The following SNX31 variants were observed in gnomAD, a reference collection of about 807,000 sequenced individuals.
The protein encoded by SNX31 is sorting nexin-31.
Under a neutral mutation model 65.4 loss-of-function variants are expected in SNX31, and 58 were observed. The observed-to-expected ratio is 0.89, with a 90% CI of 0.72 to 1.10. The LOEUF is 1.10. SNX31 is among the 50% of genes least tolerant of loss of function. The pLI is 0.00. For missense variants in SNX31, 523 were observed against 529.7 expected, an observed-to-expected ratio of 0.99 and a Z score of 0.12; for synonymous variants, 181 against 190.1, an observed-to-expected ratio of 0.95 and a Z score of 0.39.
At chr8:100,633,505 G>A (rs1341699001) in intron 3 of SNX31, among the ~76,000 whole-genome samples, 1 of 152,114 alleles carries the variant, frequency 6.6e-6, no homozygotes, top group East Asian at 1.9e-4. Flanking sequence ...CCGGGTTCAA[G>A]TGATTCTCCT....
chr8:100,589,099 G>A (rs1405240882), intron 10 of SNX31, 120 bp from the exon 11 acceptor site: 20 of 629,392 alleles, frequency 3.2e-5, no homozygotes, highest in Admixed American at 5.4e-5. Context: ...TCAGGAGTTC[G>A]AGACCATCCT....
At chr8:100,642,103 A>T (rs1819300964) in intron 2 of SNX31, among the ~76,000 whole-genome samples, 2 of 142,580 alleles carry the variant, frequency 1.4e-5, no homozygotes, top group South Asian at 4.5e-4. Context: ...ACAAAATATT[A>T]TAAAGACAAT....
chr8:100,622,960 G>T lies in SNX31; in HGVS notation c.322-5230C>A, dbSNP rs917463897. 2.0e-5 allele frequency among the ~76,000 whole-genome samples: 3 copies of T among 152,322 alleles called. No individual in the cohort carries two copies. The highest frequency in any genetic ancestry group is 7.2e-5 in the African/African-American group (3 of 41,574). On this transcript the variant is annotated intron_variant, in intron 4 of 13. Transcript: ENST00000311812. The surrounding 1 kb of genome is among the most constrained non-coding windows in gnomAD (Gnocchi z 5.0). ...TTGGCCAGGATGGACAAATCAGTTG[G>T]CAGCTGCACTCACCTTCCTTCCACC...
chr8:100,585,247 T>C (rs1586854878), intron 11 of SNX31, among the ~76,000 whole-genome samples: 1 of 152,202 alleles, frequency 6.6e-6, no homozygotes, highest in South Asian at 2.1e-4. Flanking sequence ...ATCCTTTTTC[T>C]CTCTTGTCCT....
Position 100,577,047 on chromosome 8 carries a change from CT to C in SNX31, c.1198del (p.Ser400ValfsTer26). 6.2e-7 allele frequency: 1 copy of C among 1,613,630 alleles called. No homozygotes were observed. The highest frequency in any genetic ancestry group is 2.2e-5 in the East Asian group (1 of 44,850). The part of the protein sequence containing the change: ...MQIEVPEQSK[S>X]KKYHIQQSQQ... ...GCTTTGTTGAATGTGGTATTTTTTA[CT>C]TTTGCTTTGTTCCGGAACTTCAATC... On this transcript the variant is annotated frameshift_variant, in exon 13 of 14. Coordinates refer to ENST00000311812, the MANE Select transcript of SNX31 (RefSeq NM_152628.4). LOFTEE classifies it high-confidence loss of function.
rs976782048 is a variant in SNX31, at chr8:100,629,064, G to A, written c.321+1263C>T. On this transcript the variant is annotated intron_variant, in intron 4 of 13. Coordinates refer to ENST00000311812, the MANE Select transcript of SNX31 (RefSeq NM_152628.4). The surrounding 1 kb of genome is among the most constrained non-coding windows in gnomAD (Gnocchi z 5.1). The stretch of plus-strand genomic sequence containing the variant: ...AGGCTCTACCATCTAGGTTTGTGGT[G>A]TTCACACAATGACAAAATCGCCTAA... Among the ~76,000 whole-genome samples the A allele has an allele frequency of 3.9e-5, 6 of 152,094 alleles. No homozygotes were observed. The highest frequency in any genetic ancestry group is 7.4e-5 in the Non-Finnish European group (5 of 68,020).
Position 100,588,708 on chromosome 8 carries a change from A to G in SNX31, c.1092+158T>C, listed in dbSNP as rs1241301505. ...GGTGACTAGTAAAATATAACAAAAC[A>G]TAAAACAAAATAAAAGGTATTACGG... On this transcript the variant is annotated intron_variant, in intron 11 of 13. Coordinates refer to ENST00000311812, the MANE Select transcript of SNX31 (RefSeq NM_152628.4). This position sits in a 1 kb window ranked among gnomAD's most constrained non-coding sequence, Gnocchi z 4.8. Among the ~76,000 whole-genome samples, 1 of 152,228 alleles carries G rather than the reference A, an allele frequency of 6.6e-6. No individual in the cohort carries two copies. Among genetic ancestry groups the G allele is most frequent in the Non-Finnish European group, 1.5e-5 (1 of 68,046 alleles).
chr8:100,613,460 C>A lies in SNX31; in HGVS notation c.433-375G>T, dbSNP rs908188847. On this transcript the variant is annotated intron_variant, in intron 5 of 13. Transcript: ENST00000311812. This position sits in a 1 kb window ranked among gnomAD's most constrained non-coding sequence, Gnocchi z 5.2. ...CCTTCTGTGATGTCTGTCCCTGGAA[C>A]CTGCACACTAGTTTACCTTCCTGTG... is the stretch of plus-strand genomic sequence containing the variant. 9.2e-5 allele frequency among the ~76,000 whole-genome samples: 14 copies of A among 152,244 alleles called. No individual in the cohort carries two copies. Among genetic ancestry groups the A allele is most frequent in the Middle Eastern group, 3.4e-3 (1 of 294 alleles).
rs1435556899 is a variant in SNX31, at chr8:100,625,490, T to G, written c.321+4837A>C. On this transcript the variant is annotated intron_variant, in intron 4 of 13. Coordinates refer to ENST00000311812, the MANE Select transcript of SNX31 (RefSeq NM_152628.4). This position sits in a 1 kb window ranked among gnomAD's most constrained non-coding sequence, Gnocchi z 4.2. The stretch of plus-strand genomic sequence containing the variant: ...TTAAAAGATTTCTCCAGTTGTTAAA[T>G]TCAACTCAATTCAACTCAAAAAGAG... 6.6e-6 allele frequency among the ~76,000 whole-genome samples: 1 copy of G among 152,164 alleles called. No homozygotes were observed. The highest frequency in any genetic ancestry group is 2.4e-5 in the African/African-American group (1 of 41,452).
intron 4 of SNX31, among the ~76,000 whole-genome samples, chr8:100,623,751 T>A (rs1817857385): frequency 6.6e-6 from 1 of 152,126 alleles, no homozygotes; most frequent in African/African-American, 2.4e-5. Flanking sequence ...CACACTCCCA[T>A]CTTCCACTTC....
In SNX31 at chr8:100,596,813, G is replaced by C. The variant is rs766475474; in HGVS notation, c.804C>G (p.His268Gln). The C allele has an allele frequency of 6.2e-7, 1 of 1,613,552 alleles. No homozygotes were observed. Among genetic ancestry groups the C allele is most frequent in the Non-Finnish European group, 8.5e-7 (1 of 1,180,022 alleles). The change falls in exon 10 of 14, where the codon CAC (histidine) becomes CAG (glutamine). Residue 268 changes from histidine to glutamine, a missense_variant. His to Gln is a conservative substitution (Grantham distance 24). Transcript: ENST00000311812. ...AAGGATCCAGCTGCAGGTATCCATA[G>C]TGCCGTACCTCCCGGGCCAGCTCCA... ...KFLELAREVR[H>Q]YGYLQLDPCT... is the part of the protein sequence containing the mutation.
At position 100,612,400 on chromosome 8, in the gene SNX31, C is replaced by T. The variant is rs1484140024; in HGVS notation, c.524-313G>A. ...CCTAGCAGCCAACCCTCTACACAAG[C>T]CCCTTAACTTCCAACTCAAAACCAC... On this transcript the variant is annotated intron_variant, in intron 6 of 13. Coordinates refer to ENST00000311812, the MANE Select transcript of SNX31 (RefSeq NM_152628.4). This position sits in a 1 kb window ranked among gnomAD's most constrained non-coding sequence, Gnocchi z 4.3. Among the ~76,000 whole-genome samples the T allele has an allele frequency of 1.3e-5, 2 of 152,152 alleles. No homozygotes were observed. Among genetic ancestry groups the T allele is most frequent in the African/African-American group, 4.8e-5 (2 of 41,486 alleles).
intron 10 of SNX31, among the ~76,000 whole-genome samples, chr8:100,590,383 A>G (rs1465712759): frequency 2.0e-5 from 3 of 152,000 alleles, no homozygotes; most frequent in African/African-American, 7.2e-5. Context: ...TCTTGAGCTC[A>G]GGAGTTCAAA....
intron 12 of SNX31, among the ~76,000 whole-genome samples, chr8:100,577,996 G>A (rs1007525553): frequency 5.3e-5 from 8 of 152,184 alleles, no homozygotes; most frequent in African/African-American, 1.9e-4. Context: ...TATAGCTAAT[G>A]AGCTTTTTAA....
At chr8:100,583,085 C>T (rs1163975573) in intron 12 of SNX31, among the ~76,000 whole-genome samples, 1 of 151,144 alleles carries the variant, frequency 6.6e-6, no homozygotes, top group Non-Finnish European at 1.5e-5. Flanking sequence ...TTATGAATGT[C>T]AACCAGGTAC....
At chr8:100,595,046 T>G (rs1375114445) in intron 10 of SNX31, among the ~76,000 whole-genome samples, 1 of 152,210 alleles carries the variant, frequency 6.6e-6, no homozygotes, top group Non-Finnish European at 1.5e-5. Flanking sequence ...AGCCAATCCC[T>G]AAGGCAATTG....
chr8:100,581,311 T>TTATA lies in SNX31; in HGVS notation c.1170+2796_1170+2799dup, dbSNP rs1554570412. On this transcript the variant is annotated intron_variant, in intron 12 of 13. Transcript: ENST00000311812. ...GTGACCCTGTCTTTAAAAAAATTTT[T>TTATA]TATATATCTATATCTATCTATCTAT... Among the ~76,000 whole-genome samples, 630 of 122,440 alleles carry TTATA rather than the reference T, an allele frequency of 5.1e-3. 9 individuals carry two copies. The highest frequency in any genetic ancestry group is 0.028 in the African/African-American group (591 of 21,226). The allele number at this position is 122,440 out of a possible 152,430, so 80.3% of individuals were successfully genotyped here. A position where few individuals can be genotyped will look rare whatever the true frequency, so the allele number is the denominator to read the frequency against.
At chr8:100,606,808 T>C (rs1260194770) in intron 8 of SNX31, among the ~76,000 whole-genome samples, 1 of 152,236 alleles carries the variant, frequency 6.6e-6, no homozygotes, top group Non-Finnish European at 1.5e-5. Flanking sequence ...TGGCAGCAAA[T>C]CTAATGTTTT....
At chr8:100,606,283 C>G (rs932483051) in intron 8 of SNX31, among the ~76,000 whole-genome samples, 6 of 152,212 alleles carry the variant, frequency 3.9e-5, no homozygotes, top group African/African-American at 1.4e-4. Context: ...AATCCACCTG[C>G]TTCAGCCTCT....
Sources: allele counts gnomAD v4.1 joint callset (sites outside exome capture counted in the v4.1 genomes callset), GRCh38; gene constraint gnomAD v4.1.1; non-coding constraint Gnocchi (gnomAD v3.1); transcripts MANE v1.5; gene names NCBI Gene and HGNC (gene_info 2026-07-23, HGNC 2026-07-21).